Variants in REL observed in about 807,000 individuals in gnomAD.
The protein encoded by REL is proto-oncogene c-Rel.
In REL, 15 loss-of-function variants were observed where a neutral mutation model predicts 45.9. That is an observed-to-expected ratio of 0.33 (90% CI 0.22 to 0.50). The LOEUF is 0.50. REL is among the 20% of genes least tolerant of loss of function. The pLI, the probability that REL is intolerant of heterozygous loss-of-function variation, is 0.98. For synonymous variants in REL, 239 were observed against 242.1 expected (o/e 0.99, Z 0.12); for missense variants, 601 against 715.2 (o/e 0.84, Z 1.82).
chr2:60,907,399 C>G (rs1673690616), intron 4 of REL, among the ~76,000 whole-genome samples: 1 of 152,032 alleles, frequency 6.6e-6, no homozygotes, highest in African/African-American at 2.4e-5. Flanking sequence ...GTAATCCCAG[C>G]CCTTGGGGAG....
chr2:60,917,795 A>G (rs1207625864), intron 5 of REL, among the ~76,000 whole-genome samples: 3 of 151,930 alleles, frequency 2.0e-5, no homozygotes, highest in Non-Finnish European at 2.9e-5. Context: ...GTAGAAGGAT[A>G]GAGAGACTTA....
intron 5 of REL, among the ~76,000 whole-genome samples, chr2:60,917,938 G>A (rs569015015): frequency 7.2e-5 from 11 of 152,076 alleles, no homozygotes; most frequent in South Asian, 4.2e-4. Context: ...ATTGATTGGC[G>A]GAATCAGAAT....
intron 4 of REL, 69 bp downstream of exon 4, chr2:60,901,152 T>G: frequency 6.0e-6 from 1 of 166,668 alleles, no homozygotes; most frequent in Non-Finnish European, 7.4e-6. Flanking sequence ...TTCTTTCTCT[T>G]TTTTTTTTTT....
intron 1 of REL, among the ~76,000 whole-genome samples, chr2:60,885,033 G>A (rs1673037659): frequency 6.6e-6 from 1 of 152,100 alleles, no homozygotes; most frequent in Non-Finnish European, 1.5e-5. Flanking sequence ...AATAACAATG[G>A]AGTTAAATAA....
chr2:60,911,891 G>A (rs771530550), intron 4 of REL, among the ~76,000 whole-genome samples: 7 of 151,212 alleles, frequency 4.6e-5, no homozygotes, highest in Non-Finnish European at 7.4e-5. Flanking sequence ...CCAGCTACTC[G>A]GGAGGCTGAG....
At chr2:60,885,130 A>G (rs77262870) in intron 1 of REL, among the ~76,000 whole-genome samples, 311 of 152,310 alleles carry the variant, frequency 2.0e-3, no homozygotes, top group African/African-American at 7.3e-3. Context: ...ATAATTAGGA[A>G]CATCTAGGTT....
chr2:60,918,695 A>T (rs1674051024), intron 7 of REL, 89 bp downstream of exon 7: 1 of 855,932 alleles, frequency 1.2e-6, no homozygotes, highest in African/African-American at 1.7e-5. Flanking sequence ...GAGTACAGTT[A>T]TGTATATTCA....
At chr2:60,893,746 A>G (rs1453513127) in intron 2 of REL, among the ~76,000 whole-genome samples, 1 of 152,110 alleles carries the variant, frequency 6.6e-6, no homozygotes, top group African/African-American at 2.4e-5. Context: ...GCTGGTTTTT[A>G]TAGTCCCTGC....
chr2:60,897,621 C>G (rs930318986), intron 3 of REL, among the ~76,000 whole-genome samples: 1 of 152,072 alleles, frequency 6.6e-6, no homozygotes. Flanking sequence ...TTGTGCTTTG[C>G]TTGCCCCAGC....
chr2:60,909,911 A>C (rs1673764774), intron 4 of REL, among the ~76,000 whole-genome samples: 2 of 152,154 alleles, frequency 1.3e-5, no homozygotes, highest in African/African-American at 4.8e-5. Flanking sequence ...CAAAAAAAAT[A>C]AAATTATTAT....
intron 7 of REL, among the ~76,000 whole-genome samples, chr2:60,919,019 T>C (rs1177539673): frequency 6.6e-6 from 1 of 152,078 alleles, no homozygotes; most frequent in African/African-American, 2.4e-5. Flanking sequence ...TCTCTGCATC[T>C]CTTTCTTCAA....
At chr2:60,896,460 T>C (rs1032997327) in intron 3 of REL, among the ~76,000 whole-genome samples, 4 of 152,208 alleles carry the variant, frequency 2.6e-5, no homozygotes, top group Non-Finnish European at 5.9e-5. Flanking sequence ...GTTTTTCTTT[T>C]AACTTATATT....
At chr2:60,919,814 G>T (rs1053233898) in intron 7 of REL, among the ~76,000 whole-genome samples, 2 of 152,186 alleles carry the variant, frequency 1.3e-5, no homozygotes, top group Non-Finnish European at 2.9e-5. Context: ...ACCTGCCTCA[G>T]CCTCCCAAAG....
Position 60,928,546 on chromosome 2 carries a change from C to G in REL, c.*6011C>G, listed in dbSNP as rs1674319698. On this transcript the variant is annotated 3_prime_UTR_variant, in exon 10 of 10. Transcript: ENST00000394479. The stretch of plus-strand genomic sequence containing the variant: ...ATATCTACAACTATCTGATCTTTGA[C>G]AAACCTGAGAAAAACAAGCAATGGG... The G allele has an allele frequency of 7.1e-6, 1 of 141,822 alleles. No homozygotes were observed. The highest frequency in any genetic ancestry group is 2.6e-5 in the African/African-American group (1 of 37,862). The allele number at this position is 141,822 out of a possible 1,614,324, so 8.8% of individuals were successfully genotyped here. A position where few individuals can be genotyped will look rare whatever the true frequency, so the allele number is the denominator to read the frequency against.
intron 7 of REL, among the ~76,000 whole-genome samples, chr2:60,919,465 G>C (rs1013594469): frequency 4.6e-5 from 7 of 151,718 alleles, no homozygotes; most frequent in Admixed American, 1.3e-4. Context: ...GCTCTGTCTT[G>C]CCCAGGCTGG....
chr2:60,903,736 A>G (rs1313434215), intron 4 of REL, among the ~76,000 whole-genome samples: 1 of 152,114 alleles, frequency 6.6e-6, no homozygotes, highest in Non-Finnish European at 1.5e-5. Context: ...TCACCATGTC[A>G]GCCAGCCTGG....
chr2:60,892,742 A>G (rs942828190), intron 2 of REL, among the ~76,000 whole-genome samples: 1 of 150,364 alleles, frequency 6.7e-6, no homozygotes, highest in Admixed American at 6.7e-5. Flanking sequence ...GATGTACTAA[A>G]TTTATTTATT....
At chr2:60,900,292 T>C (rs2103944831) in intron 3 of REL, 1 of 152,474 alleles carries the variant, frequency 6.6e-6, no homozygotes, top group Non-Finnish European at 1.5e-5. Context: ...ACCTGTGGGC[T>C]TCAACCTGTG....
In REL at chr2:60,925,012, A is replaced by G. The variant is rs1384202323; in HGVS notation, c.*2477A>G. 5 of 201,792 alleles carry G rather than the reference A, an allele frequency of 2.5e-5. No individual in the cohort carries two copies. The highest frequency in any genetic ancestry group is 7.6e-5 in the East Asian group (1 of 13,126). 12.5% of individuals were successfully genotyped at this position (201,792 alleles called of 1,614,324 possible). On this transcript the variant is annotated 3_prime_UTR_variant, in exon 10 of 10. Transcript: ENST00000394479. ...ATATTTTGGAGTTTTCATTTGATAT[A>G]TAATTATTTATTTTGCCCTTTTATT...
Sources: gnomAD v4.1 joint callset for allele counts (sites outside exome capture counted in the v4.1 genomes callset) on GRCh38, gnomAD v4.1.1 for gene constraint, MANE v1.5 for transcripts, NCBI Gene and HGNC (gene_info 2026-07-23, HGNC 2026-07-21) for gene names.